Variants in TTLL13 observed in about 807,000 individuals in gnomAD.
The protein encoded by TTLL13 is tubulin polyglutamylase TTLL13.
chr15:90,262,487 G>T, the TTLL13 span: 1 of 1,475,954 alleles, frequency 6.8e-7, no homozygotes, highest in Non-Finnish European at 8.9e-7. Context: ...GCTGTGTCTT[G>T]TCAGGCAGCA....
the TTLL13 span, among the ~76,000 whole-genome samples, chr15:90,252,055 T>C: frequency 5.9e-5 from 9 of 151,440 alleles, no homozygotes; most frequent in East Asian, 2.0e-4. Context: ...TTTTTTTTTT[T>C]TGAGACCGAG....
chr15:90,252,738 C>T, the TTLL13 span, among the ~76,000 whole-genome samples: 1 of 152,146 alleles, frequency 6.6e-6, no homozygotes, highest in Non-Finnish European at 1.5e-5. Context: ...CACGGTGGCT[C>T]ATGCCTGTAA....
chr15:90,255,996 G>C, the TTLL13 span: 1 of 1,574,646 alleles, frequency 6.4e-7, no homozygotes, highest in East Asian at 2.2e-5. Context: ...AGTGGAATGA[G>C]AAAGTTTCAG....
At chr15:90,258,588 G>T in the TTLL13 span, 1 of 661,506 alleles carries the variant, frequency 1.5e-6, no homozygotes, top group Non-Finnish European at 2.6e-6. Flanking sequence ...AGATCTCTAT[G>T]GCAGAGTTTT....
chr15:90,264,122 C>T, the TTLL13 span: 3 of 1,010,944 alleles, frequency 3.0e-6, no homozygotes, highest in Middle Eastern at 2.1e-4. Context: ...AAGCATAGAG[C>T]TTGGATGCCC....
chr15:90,257,906 T>G, the TTLL13 span: 1 of 964,628 alleles, frequency 1.0e-6, no homozygotes, highest in Admixed American at 2.3e-5. Context: ...TGATAACTAG[T>G]CCCTGCTCCA....
At chr15:90,260,712 G>A in the TTLL13 span, among the ~76,000 whole-genome samples, 8 of 151,634 alleles carry the variant, frequency 5.3e-5, no homozygotes, top group South Asian at 2.1e-4. Context: ...TTAGCTGGGC[G>A]TGGTGGTGCA....
the TTLL13 span, chr15:90,262,752 TCTC>T: frequency 1.5e-6 from 2 of 1,309,774 alleles, no homozygotes; most frequent in Non-Finnish European, 2.0e-6. Flanking sequence ...TCTGCTGTCT[TCTC>T]CTCCCCATGC....
At chr15:90,250,083 G>T in the TTLL13 span, among the ~76,000 whole-genome samples, 1 of 151,598 alleles carries the variant, frequency 6.6e-6, no homozygotes, top group African/African-American at 2.4e-5. Context: ...TCAGCCTCCC[G>T]AGTAGCTGGG....
chr15:90,262,174 C>T, the TTLL13 span: 7 of 1,534,416 alleles, frequency 4.6e-6, no homozygotes, highest in African/African-American at 1.4e-5. Context: ...CTTCCAAGGC[C>T]AGAGAGGAGT....
the TTLL13 span, chr15:90,263,504 C>T: frequency 1.9e-6 from 1 of 517,748 alleles, no homozygotes; most frequent in Non-Finnish European, 3.4e-6. Flanking sequence ...TGCCAGTGCC[C>T]CAGCTCTAAT....
At chr15:90,255,846 A>C in the TTLL13 span, 2 of 1,614,162 alleles carry the variant, frequency 1.2e-6, no homozygotes, top group Non-Finnish European at 8.5e-7. Context: ...TATCCCTCTG[A>C]GTACAACATC....
chr15:90,251,016 G>C, the TTLL13 span: 4 of 1,258,728 alleles, frequency 3.2e-6, no homozygotes, highest in Non-Finnish European at 4.4e-6. Flanking sequence ...GGAAATGCTG[G>C]AGTGTCATTA....
At chr15:90,259,112 C>A in the TTLL13 span, 1 of 1,372,410 alleles carries the variant, frequency 7.3e-7, no homozygotes, top group Non-Finnish European at 9.5e-7. Flanking sequence ...TCTGTAATCC[C>A]AGCACTTTGG....
At chr15:90,263,211 T>G in the TTLL13 span, 1 of 1,402,506 alleles carries the variant, frequency 7.1e-7, no homozygotes, top group South Asian at 1.4e-5. Context: ...GGACATGGTG[T>G]TGGTCTCAAC....
chr15:90,264,055 A>G, the TTLL13 span: 23 of 1,529,572 alleles, frequency 1.5e-5, no homozygotes, highest in Non-Finnish European at 1.9e-5. Context: ...CAGGCTCACT[A>G]GCCGTAAGTA....
At chr15:90,256,561 C>CTTTCTT in the TTLL13 span, among the ~76,000 whole-genome samples, 1 of 40,248 alleles carries the variant, frequency 2.5e-5, no homozygotes, top group Admixed American at 2.9e-4. Flanking sequence ...TTCTTTCTTT[C>CTTTCTT]TTTCTTTCTT....
chr15:90,264,612 G>A, the TTLL13 span: 12 of 1,279,090 alleles, frequency 9.4e-6, no homozygotes, highest in Non-Finnish European at 1.3e-5. Flanking sequence ...GTGGAGGGAA[G>A]CATGAGATGC....
chr15:90,252,034 C>T, the TTLL13 span, among the ~76,000 whole-genome samples: 2 of 116,418 alleles, frequency 1.7e-5, no homozygotes, highest in East Asian at 5.1e-4. Flanking sequence ...CCACTATGCT[C>T]ACCTAATTCT....
Sources: allele counts gnomAD v4.1 joint callset (sites outside exome capture counted in the v4.1 genomes callset), GRCh38; gene constraint gnomAD v4.1.1; transcripts MANE v1.5; gene names NCBI Gene and HGNC (gene_info 2026-07-23, HGNC 2026-07-21).